MACROD2: variants seen among roughly 807,000 people sequenced by gnomAD.
MACROD2 encodes the protein mono-ADP ribosylhydrolase 2, also known as ADP-ribose glycohydrolase MACROD2.
MACROD2 carries 36 observed loss-of-function variants against 70.4 expected under a neutral mutation model. The ratio of observed to expected loss-of-function variants is 0.51; its 90% CI spans 0.39 to 0.68. The LOEUF (loss-of-function observed/expected upper bound fraction) is 0.68. MACROD2 is among the 30% of genes least tolerant of loss of function. The probability of loss-of-function intolerance (pLI) is 0.00; values close to 1 mark genes in which losing one functional copy is unlikely to be tolerated. For synonymous variants in MACROD2, 172 were observed against 178.8 expected (o/e 0.96, Z 0.30); for missense variants, 496 against 538.4 (o/e 0.92, Z 0.78).
intron 5 of MACROD2, among the ~76,000 whole-genome samples, chr20:15,103,147 A>G (rs1333735697): frequency 1.3e-5 from 2 of 152,166 alleles, no homozygotes; most frequent in Non-Finnish European, 1.5e-5. Context: ...CAGGAAAAAA[A>G]CAAACAAAAC....
intron 8 of MACROD2, among the ~76,000 whole-genome samples, chr20:15,538,677 A>T (rs2047910968): frequency 6.6e-6 from 1 of 152,258 alleles, no homozygotes; most frequent in African/African-American, 2.4e-5. Context: ...GTTTAGTTTT[A>T]AAAATGCTGT....
At chr20:14,911,900 A>G (rs2122597115) in intron 5 of MACROD2, among the ~76,000 whole-genome samples, 2 of 152,240 alleles carry the variant, frequency 1.3e-5, no homozygotes, top group South Asian at 4.1e-4. Context: ...CTGAAATTAC[A>G]TTGCAAGCAA....
At chr20:15,615,935 A>G (rs2049031280) in intron 8 of MACROD2, among the ~76,000 whole-genome samples, 1 of 152,078 alleles carries the variant, frequency 6.6e-6, no homozygotes, top group Non-Finnish European at 1.5e-5. Context: ...GAGTGACTGA[A>G]AACAAATTTG....
At chr20:14,883,203 G>A (rs1354423833) in intron 5 of MACROD2, among the ~76,000 whole-genome samples, 1 of 152,114 alleles carries the variant, frequency 6.6e-6, no homozygotes, top group East Asian at 1.9e-4. Flanking sequence ...TTACATGTGG[G>A]AAATGCTGGT....
At chr20:15,345,710 A>G (rs2078158531) in intron 6 of MACROD2, among the ~76,000 whole-genome samples, 1 of 152,238 alleles carries the variant, frequency 6.6e-6, no homozygotes, top group Non-Finnish European at 1.5e-5. Context: ...TGAAATGTAA[A>G]TTGAATTAGC....
chr20:15,246,858 A>G (rs1239020641), intron 6 of MACROD2, among the ~76,000 whole-genome samples: 2 of 152,242 alleles, frequency 1.3e-5, no homozygotes, highest in Non-Finnish European at 1.5e-5. Context: ...TAAACAAACT[A>G]TGATCCATTT....
At chr20:14,177,616 G>A (rs888210688) in intron 3 of MACROD2, among the ~76,000 whole-genome samples, 1 of 152,020 alleles carries the variant, frequency 6.6e-6, no homozygotes. Context: ...ACGTCAAGCC[G>A]AGATTTCTTC....
chr20:14,094,364 TCAA>T (rs1260142924), intron 3 of MACROD2, among the ~76,000 whole-genome samples: 2 of 152,296 alleles, frequency 1.3e-5, no homozygotes, highest in East Asian at 1.9e-4. Flanking sequence ...ATTTGTTCTT[TCAA>T]CAACTTTCTT....
At chr20:15,884,813 T>C (rs2147207932) in intron 9 of MACROD2, among the ~76,000 whole-genome samples, 1 of 152,160 alleles carries the variant, frequency 6.6e-6, no homozygotes, top group South Asian at 2.1e-4. Flanking sequence ...TTCTGACAGT[T>C]CTGGAGGCTG....
chr20:15,305,398 C>T (rs958858098), intron 6 of MACROD2, among the ~76,000 whole-genome samples: 3 of 152,130 alleles, frequency 2.0e-5, no homozygotes, highest in South Asian at 2.1e-4. Flanking sequence ...TATGAAATCT[C>T]ATAATTTTTA....
At chr20:15,078,216 G>A (rs929988667) in intron 5 of MACROD2, among the ~76,000 whole-genome samples, 1 of 152,074 alleles carries the variant, frequency 6.6e-6, no homozygotes, top group African/African-American at 2.4e-5. Flanking sequence ...AAAGTTAAAA[G>A]CGGCCAAAGA....
At chr20:15,647,849 A>C (rs1342693753) in intron 8 of MACROD2, among the ~76,000 whole-genome samples, 1 of 151,830 alleles carries the variant, frequency 6.6e-6, no homozygotes, top group Non-Finnish European at 1.5e-5. Flanking sequence ...TCTCCCAAGT[A>C]GCTGGAACTA....
intron 8 of MACROD2, among the ~76,000 whole-genome samples, chr20:15,674,750 T>A (rs1051794463): frequency 4.8e-5 from 6 of 126,162 alleles, no homozygotes; most frequent in Admixed American, 8.2e-5. Flanking sequence ...TATGTGTGTG[T>A]GTGTTGTGTG....
At chr20:15,210,401 T>C (rs2076751345) in intron 5 of MACROD2, among the ~76,000 whole-genome samples, 2 of 152,208 alleles carry the variant, frequency 1.3e-5, no homozygotes, top group Admixed American at 1.3e-4. Context: ...TATTTAGAAG[T>C]ATTGCCTTCC....
chr20:15,751,395 G>T (rs1382670605), intron 8 of MACROD2, among the ~76,000 whole-genome samples: 1 of 151,866 alleles, frequency 6.6e-6, no homozygotes, highest in African/African-American at 2.4e-5. Flanking sequence ...TGAAAGAGAA[G>T]AAAATAATAA....
At chr20:14,775,088 AAATT>A (rs2072216838) in intron 5 of MACROD2, among the ~76,000 whole-genome samples, 1 of 152,186 alleles carries the variant, frequency 6.6e-6, no homozygotes, top group Non-Finnish European at 1.5e-5. Flanking sequence ...CATGCTAAAT[AAATT>A]GTTTATATTT....
Position 14,445,796 on chromosome 20 carries a change from A to C in MACROD2, c.272-47683A>C, listed in dbSNP as rs34434466. On this transcript the variant is annotated intron_variant, in intron 3 of 17. Coordinates refer to ENST00000684519, the MANE Select transcript of MACROD2 (RefSeq NM_001351661.2). ...AAGGTAACACCAATTGCCGTAATACATAATTCTCCAAATTTCAGTGGCTTT... is the reference window on the plus strand; with the variant it reads ...AAGGTAACACCAATTGCCGTAATACCTAATTCTCCAAATTTCAGTGGCTTT... 7.4e-3 allele frequency among the ~76,000 whole-genome samples: 1,130 copies of C among 152,296 alleles called. 7 individuals are homozygous for C. The highest frequency in any genetic ancestry group is 0.013 in the Non-Finnish European group (892 of 68,032).
chr20:14,177,167 C>G (rs1001152348), intron 3 of MACROD2, among the ~76,000 whole-genome samples: 1 of 151,990 alleles, frequency 6.6e-6, no homozygotes. Context: ...GGAATTAGAT[C>G]CTATATTTGT....
intron 5 of MACROD2, among the ~76,000 whole-genome samples, chr20:15,138,074 C>G (rs1197335969): frequency 2.6e-5 from 4 of 151,852 alleles, no homozygotes; most frequent in African/African-American, 7.3e-5. Context: ...TTGAGTAACC[C>G]CTGTTTTTAT....
Sources: allele counts gnomAD v4.1 joint callset (sites outside exome capture counted in the v4.1 genomes callset), GRCh38; gene constraint gnomAD v4.1.1; transcripts MANE v1.5; gene names NCBI Gene and HGNC (gene_info 2026-07-23, HGNC 2026-07-21).